Variants in ATP8B1 observed in about 807,000 individuals in gnomAD.
The protein encoded by ATP8B1 is ATPase phospholipid transporting 8B1, also known as phospholipid-transporting ATPase IC.
In ATP8B1, 80 loss-of-function variants were observed where a neutral mutation model predicts 149.9. The observed-to-expected ratio is 0.53, with a 90% CI of 0.45 to 0.64. The LOEUF is 0.64. Ranked by LOEUF, ATP8B1 falls within the 30% of genes least tolerant of loss-of-function variation. The pLI is 0.00. For synonymous variants in ATP8B1, 536 were observed against 562.8 expected, an observed-to-expected ratio of 0.95 and a Z score of 0.67; for missense variants, 1,247 against 1,552.6, an observed-to-expected ratio of 0.80 and a Z score of 3.31.
At position 57,661,190 on chromosome 18, in the gene ATP8B1, G is replaced by A. The variant is rs113626153; in HGVS notation, c.2691C>T (p.Asp897=). The change falls in exon 22 of 28, where the codon GAC becomes GAT. Residue 897 remains aspartate (D), a synonymous_variant. Transcript: ENST00000648908. ...ITLAIGDGAN[D]VNMIKTAHIG... Reference sequence around the variant, plus strand: ...ATGACTCACTTTTGATCATGTTCACGTCATTGGCCCCATCTCCGATGGCCA... The same window carrying A: ...ATGACTCACTTTTGATCATGTTCACATCATTGGCCCCATCTCCGATGGCCA... 27 of 1,613,848 alleles carry A rather than the reference G, an allele frequency of 1.7e-5. No individual in the cohort carries two copies. The highest frequency in any genetic ancestry group is 5.5e-5 in the South Asian group (5 of 91,080).
At chr18:57,741,343 T>C (rs1167201762) in intron 1 of ATP8B1, among the ~76,000 whole-genome samples, 2 of 152,222 alleles carry the variant, frequency 1.3e-5, no homozygotes, top group East Asian at 3.8e-4. Flanking sequence ...CTCTTTCCCC[T>C]TCCTTGCTTT....
At chr18:57,654,116 C>A in intron 23 of ATP8B1, 41 bp from the exon 24 acceptor site, 1 of 1,519,674 alleles carries the variant, frequency 6.6e-7, no homozygotes, top group Non-Finnish European at 9.1e-7. Flanking sequence ...CCAACAAAGA[C>A]ACATGCCAGC....
intron 1 of ATP8B1, among the ~76,000 whole-genome samples, chr18:57,762,385 C>T (rs56795341): frequency 0.16 from 23,970 of 151,870 alleles, 2,077 homozygotes; most frequent in African/African-American, 0.22. Flanking sequence ...GTGATCTGCC[C>T]GCGTCAGCCC....
intron 12 of ATP8B1, 185 bp from the exon 13 acceptor site, chr18:57,688,692 C>T (rs1416606256): frequency 6.1e-6 from 4 of 651,236 alleles, no homozygotes; most frequent in Non-Finnish European, 8.1e-6. Flanking sequence ...TGAGGTGGGG[C>T]CTTTAGAAGG....
chr18:57,676,948 GTTACAGTGAGC>G (rs1238215382), intron 15 of ATP8B1, among the ~76,000 whole-genome samples: 3 of 152,104 alleles, frequency 2.0e-5, no homozygotes, highest in Non-Finnish European at 2.9e-5. Flanking sequence ...GGAGTGTGAG[GTTACAGTGAGC>G]TTTGATATTC....
intron 2 of ATP8B1, among the ~76,000 whole-genome samples, chr18:57,712,855 C>G (rs1485352414): frequency 6.6e-6 from 1 of 151,946 alleles, no homozygotes; most frequent in Non-Finnish European, 1.5e-5. Context: ...GTTTCAGGCC[C>G]TAGTTCCCAG....
At chr18:57,746,108 A>G (rs1047593466) in intron 1 of ATP8B1, among the ~76,000 whole-genome samples, 4 of 152,212 alleles carry the variant, frequency 2.6e-5, no homozygotes, top group Non-Finnish European at 1.5e-5. Flanking sequence ...AGCTTTGTAA[A>G]TAATATGATT....
intron 1 of ATP8B1, chr18:57,735,295 G>C (rs1030725607): frequency 5.8e-5 from 9 of 156,400 alleles, no homozygotes; most frequent in African/African-American, 1.9e-4. Flanking sequence ...GGAAGCACCC[G>C]TTGCCACTCC....
intron 2 of ATP8B1, among the ~76,000 whole-genome samples, chr18:57,723,260 A>T (rs2079667454): frequency 7.3e-6 from 1 of 137,594 alleles, no homozygotes; most frequent in South Asian, 2.3e-4. Context: ...GCAATTAGGC[A>T]GGAGAAGGAA....
intron 2 of ATP8B1, among the ~76,000 whole-genome samples, chr18:57,721,262 T>C (rs905998896): frequency 8.1e-5 from 12 of 148,062 alleles, no homozygotes; most frequent in Non-Finnish European, 1.3e-4. Flanking sequence ...ACTTTAAATG[T>C]AAATGGACTA....
At chr18:57,713,196 T>C (rs464345) in intron 2 of ATP8B1, among the ~76,000 whole-genome samples, 5,541 of 89,492 alleles carry the variant, frequency 0.062, 357 homozygotes, top group East Asian at 0.18. Context: ...TCTTTCTTTC[T>C]TTCCTTCCTT....
In ATP8B1 at chr18:57,648,278, G is replaced by T; in HGVS notation, c.*210C>A. 1.5e-6 allele frequency: 1 copy of T among 671,882 alleles called. No homozygotes were observed. The highest frequency in any genetic ancestry group is 1.8e-5 in the South Asian group (1 of 57,060). The allele number at this position is 671,882 out of a possible 1,614,324, so 41.6% of individuals were successfully genotyped here. ...TGGGATTACAGACCTGAGCCACCACGCCCGGCCGAATAATAGGACTTTTAA... is the reference window on the plus strand; with the variant it reads ...TGGGATTACAGACCTGAGCCACCACTCCCGGCCGAATAATAGGACTTTTAA... On this transcript the variant is annotated 3_prime_UTR_variant, in exon 28 of 28. Transcript: ENST00000648908.
At position 57,685,079 on chromosome 18, in the gene ATP8B1, T is replaced by G. The variant is rs753038709; in HGVS notation, c.1466A>C (p.Lys489Thr). The G allele has an allele frequency of 6.2e-7, 1 of 1,614,056 alleles. No homozygotes were observed. Among genetic ancestry groups the G allele is most frequent in the Non-Finnish European group, 8.5e-7 (1 of 1,180,032 alleles). Reference sequence around the variant, plus strand: ...TCGGCTTAAAGGTCTTACCTCTATTTTGTTGTGGTTGTGTTGAGAGGCATC... The same window carrying G: ...TCGGCTTAAAGGTCTTACCTCTATTGTGTTGTGGTTGTGTTGAGAGGCATC... Reference protein sequence around the residue: ...HRDASQHNHNKIEQVDFSWNT... With the variant: ...HRDASQHNHNTIEQVDFSWNT... Residue 489 changes from lysine to threonine, a missense_variant, in exon 14 of 28, where the codon AAA (lysine) becomes ACA (threonine). Transcript: ENST00000648908.
At chr18:57,727,800 A>C (rs573270849) in intron 2 of ATP8B1, among the ~76,000 whole-genome samples, 1 of 152,270 alleles carries the variant, frequency 6.6e-6, no homozygotes, top group East Asian at 1.9e-4. Flanking sequence ...ACAAAAACAA[A>C]CAAACAAACA....
At position 57,701,218 on chromosome 18, in the gene ATP8B1, A is replaced by G. The variant is rs773897115; in HGVS notation, c.489T>C (p.Asp163=). 34 of 1,614,158 alleles carry G rather than the reference A, an allele frequency of 2.1e-5. No individual in the cohort carries two copies. Among genetic ancestry groups the G allele is most frequent in the Non-Finnish European group, 2.8e-5 (33 of 1,179,982 alleles). ...ACGTTGTATGAGAAATCCTCACCACATCGTCCACCAGGTCTTTGATTGCAG... is the reference window on the plus strand; with the variant it reads ...ACGTTGTATGAGAAATCCTCACCACGTCGTCCACCAGGTCTTTGATTGCAG... ...GVTAIKDLVD[D]VARHKMDKEI... Residue 163 remains aspartate (D), a synonymous_variant, in exon 5 of 28, where the codon GAT becomes GAC. Transcript: ENST00000648908.
intron 2 of ATP8B1, 120 bp downstream of exon 2, chr18:57,731,507 G>T (rs191549301): frequency 7.0e-6 from 8 of 1,139,020 alleles, no homozygotes; most frequent in Non-Finnish European, 1.0e-5. Flanking sequence ...ATCCTAAGAA[G>T]AGATCAGAGA....
At chr18:57,707,538 T>C (rs1397831654) in intron 2 of ATP8B1, among the ~76,000 whole-genome samples, 1 of 152,014 alleles carries the variant, frequency 6.6e-6, no homozygotes, top group Non-Finnish European at 1.5e-5. Flanking sequence ...TACAAAAATA[T>C]CAGTCTTAAC....
chr18:57,772,801 G>C (rs1453387635), intron 1 of ATP8B1, among the ~76,000 whole-genome samples: 2 of 152,106 alleles, frequency 1.3e-5, no homozygotes, highest in Non-Finnish European at 2.9e-5. Context: ...AGGGAAGGGG[G>C]CCTAGGAAGC....
chr18:57,718,684 G>A (rs1043008644), intron 2 of ATP8B1, among the ~76,000 whole-genome samples: 8 of 152,006 alleles, frequency 5.3e-5, no homozygotes, highest in African/African-American at 1.5e-4. Flanking sequence ...TGATCAAGTG[G>A]GATTTATCCC....
Sources: allele counts gnomAD v4.1 joint callset (sites outside exome capture counted in the v4.1 genomes callset), GRCh38; gene constraint gnomAD v4.1.1; transcripts MANE v1.5; gene names NCBI Gene and HGNC (gene_info 2026-07-23, HGNC 2026-07-21).